The following ARMC2 variants were observed in gnomAD, a reference collection of about 807,000 sequenced individuals.
ARMC2 encodes the protein armadillo repeat-containing protein 2.
Under a neutral mutation model 90.3 loss-of-function variants are expected in ARMC2, and 67 were observed. That is an observed-to-expected ratio of 0.74 (90% confidence interval 0.61 to 0.91). ARMC2 has a LOEUF of 0.91. ARMC2 is among the 40% of genes least tolerant of loss of function. The probability of loss-of-function intolerance (pLI) is 0.00; values close to 1 mark genes in which losing one functional copy is unlikely to be tolerated. For missense variants in ARMC2, 920 were observed against 1,030.9 expected (o/e 0.89, Z 1.47); for synonymous variants, 393 against 393.0 (o/e 1.00, Z 0.00).
the ARMC2 span, among the ~76,000 whole-genome samples, chr6:109,045,846 T>C: frequency 1.3e-5 from 2 of 152,100 alleles, no homozygotes; most frequent in African/African-American, 4.8e-5. Context: ...GTGTCTGGCA[T>C]GGAATGTTAC....
intron 15 of ARMC2, among the ~76,000 whole-genome samples, chr6:108,963,609 A>G (rs1223681938): frequency 1.3e-5 from 2 of 152,212 alleles, no homozygotes; most frequent in African/African-American, 4.8e-5. Flanking sequence ...AGAAAACAGG[A>G]CAAACAGTTC....
At chr6:108,965,501 TC>T (rs1354525564) in intron 17 of ARMC2, among the ~76,000 whole-genome samples, 7 of 151,784 alleles carry the variant, frequency 4.6e-5, no homozygotes, top group African/African-American at 1.7e-4. Context: ...TCTACTCAAG[TC>T]ATGCTTTTAA....
intron 17 of ARMC2, among the ~76,000 whole-genome samples, chr6:108,971,031 TG>T (rs1778731009): frequency 6.6e-6 from 1 of 151,844 alleles, no homozygotes. Flanking sequence ...GAGACCAGCC[TG>T]GGCAACATGG....
chr6:108,966,833 C>G (rs76094073), intron 17 of ARMC2, among the ~76,000 whole-genome samples: 13,814 of 152,180 alleles, frequency 0.091, 852 homozygotes, highest in Middle Eastern at 0.19. Context: ...TTCAGAAGCT[C>G]TGGGATGAGG....
At chr6:109,003,257 C>CAT in the ARMC2 span, among the ~76,000 whole-genome samples, 1 of 150,868 alleles carries the variant, frequency 6.6e-6, no homozygotes, top group Non-Finnish European at 1.5e-5. Context: ...CCCCTTCACT[C>CAT]ATATATATTA....
chr6:109,046,496 G>A, the ARMC2 span, among the ~76,000 whole-genome samples: 5 of 148,002 alleles, frequency 3.4e-5, no homozygotes, highest in South Asian at 2.2e-4. Context: ...GCCTCTGCCC[G>A]GCCGCCACCC....
the ARMC2 span, among the ~76,000 whole-genome samples, chr6:109,013,661 C>T: frequency 6.6e-6 from 1 of 152,166 alleles, no homozygotes; most frequent in Admixed American, 6.5e-5. Flanking sequence ...CAGAATTATA[C>T]TTAATGCAGT....
intron 13 of ARMC2, among the ~76,000 whole-genome samples, chr6:108,957,972 A>G (rs1018318876): frequency 2.6e-5 from 4 of 152,160 alleles, no homozygotes; most frequent in African/African-American, 9.7e-5. Flanking sequence ...AGTAGGGGTC[A>G]AGTACACCTG....
At chr6:108,954,514 T>C (rs1188636466) in intron 13 of ARMC2, among the ~76,000 whole-genome samples, 1 of 152,072 alleles carries the variant, frequency 6.6e-6, no homozygotes, top group East Asian at 1.9e-4. Context: ...TCCCAGCTAC[T>C]CGGGAGGCTG....
chr6:108,917,995 T>C (rs1245897429), intron 10 of ARMC2, among the ~76,000 whole-genome samples: 2 of 152,136 alleles, frequency 1.3e-5, no homozygotes, highest in African/African-American at 4.8e-5. Context: ...TTAGCTTGAA[T>C]ATAAAACTTT....
chr6:108,995,454 G>A, the ARMC2 span, among the ~76,000 whole-genome samples: 1 of 152,202 alleles, frequency 6.6e-6, no homozygotes, highest in Non-Finnish European at 1.5e-5. Flanking sequence ...GCTGTCACTT[G>A]CTGGGATGAC....
chr6:108,867,122 G>C (rs1019177143), intron 3 of ARMC2, among the ~76,000 whole-genome samples: 1 of 152,188 alleles, frequency 6.6e-6, no homozygotes, highest in Admixed American at 6.5e-5. Flanking sequence ...CTTTAGGAAT[G>C]TTAACTTGAT....
At chr6:108,910,827 T>G in intron 8 of ARMC2, 72 bp from the exon 9 acceptor site, 2 of 705,210 alleles carry the variant, frequency 2.8e-6, no homozygotes, top group Non-Finnish European at 4.4e-6. Context: ...TAAAAATAGA[T>G]GTGGTTTATT....
the ARMC2 span, among the ~76,000 whole-genome samples, chr6:109,010,680 C>T: frequency 6.6e-6 from 1 of 152,184 alleles, no homozygotes; most frequent in Non-Finnish European, 1.5e-5. Flanking sequence ...TATATGTTCT[C>T]TATACTGCTT....
At chr6:108,852,075 G>T (rs1344928793) in intron 1 of ARMC2, among the ~76,000 whole-genome samples, 1 of 152,142 alleles carries the variant, frequency 6.6e-6, no homozygotes, top group African/African-American at 2.4e-5. Flanking sequence ...TAGAATTTCT[G>T]TAGGACTATT....
intron 12 of ARMC2, among the ~76,000 whole-genome samples, chr6:108,937,473 C>T (rs1256822672): frequency 6.6e-6 from 1 of 152,166 alleles, no homozygotes; most frequent in Non-Finnish European, 1.5e-5. Flanking sequence ...AGTTCCCCTG[C>T]ACTGGATAGT....
chr6:109,021,704 T>C, the ARMC2 span, among the ~76,000 whole-genome samples: 2 of 152,020 alleles, frequency 1.3e-5, no homozygotes, highest in Admixed American at 1.3e-4. Flanking sequence ...GGCCTCCTAC[T>C]GGGATTATAG....
At chr6:108,873,863 C>T (rs1255248031) in intron 4 of ARMC2, among the ~76,000 whole-genome samples, 2 of 152,212 alleles carry the variant, frequency 1.3e-5, no homozygotes, top group African/African-American at 4.8e-5. Flanking sequence ...TGGGGTCACA[C>T]TGGGCTTCAT....
At chr6:108,919,517 A>ATT (rs11414793) in intron 10 of ARMC2, among the ~76,000 whole-genome samples, 1 of 151,590 alleles carries the variant, frequency 6.6e-6, no homozygotes, top group African/African-American at 2.4e-5. Flanking sequence ...CTTACAGATA[A>ATT]TTTTTTTTTG....
Sources: allele counts gnomAD v4.1 joint callset (sites outside exome capture counted in the v4.1 genomes callset), GRCh38; gene constraint gnomAD v4.1.1; transcripts MANE v1.5; gene names NCBI Gene and HGNC (gene_info 2026-07-23, HGNC 2026-07-21).